Variants in CALY observed in about 807,000 individuals in gnomAD.
The protein encoded by CALY is calcyon neuron specific vesicular protein.
In CALY, 15 loss-of-function variants were observed where a neutral mutation model predicts 20.2. The ratio of observed to expected loss-of-function variants is 0.74; its 90% CI spans 0.50 to 1.14. CALY has a LOEUF of 1.14. Among genes scored for constraint, CALY ranks in the 50% most tolerant of loss-of-function variants. CALY has a pLI of 0.00. For missense variants in CALY, 270 were observed against 304.4 expected, an observed-to-expected ratio of 0.89 and a Z score of 0.84; for synonymous variants, 129 against 131.8, an observed-to-expected ratio of 0.98 and a Z score of 0.15.
At chr10:133,332,095 C>G (rs1848318817) in intron 1 of CALY, among the ~76,000 whole-genome samples, 1 of 150,826 alleles carries the variant, frequency 6.6e-6, no homozygotes, top group African/African-American at 2.4e-5. Flanking sequence ...CTACCACACT[C>G]CAGCCTGGGC....
intron 1 of CALY, among the ~76,000 whole-genome samples, chr10:133,329,641 G>C (rs1406668625): frequency 6.6e-6 from 1 of 151,726 alleles, no homozygotes; most frequent in Non-Finnish European, 1.5e-5. Flanking sequence ...TACAGTGCTG[G>C]AATTACAGGA....
intron 4 of CALY, chr10:133,326,430 G>A: frequency 3.3e-6 from 2 of 598,300 alleles, no homozygotes; most frequent in Middle Eastern, 5.5e-4. Context: ...GAGAAAAGGA[G>A]CAGATTTTAC....
intron 3 of CALY, chr10:133,327,307 G>A (rs1414952438): frequency 4.0e-6 from 2 of 500,686 alleles, no homozygotes; most frequent in South Asian, 2.6e-5. Flanking sequence ...GGCTCCCAGG[G>A]GATGGGGCCG....
intron 1 of CALY, 37 bp downstream of exon 1, chr10:133,336,797 C>G (rs1046155207): frequency 6.5e-6 from 1 of 152,850 alleles, no homozygotes; most frequent in Middle Eastern, 3.4e-3. Flanking sequence ...TTCGGGCCCC[C>G]CGCCCACATT....
chr10:133,326,183 C>A, intron 4 of CALY, 63 bp from the exon 5 acceptor site: 1 of 1,564,486 alleles, frequency 6.4e-7, no homozygotes. Flanking sequence ...CGGGCCCAGG[C>A]CCTCCCGCTT....
rs1848257392 is a variant in CALY at position 133,328,888 on chromosome 10, G to A, written c.102C>T (p.Asp34=). The A allele has an allele frequency of 1.3e-6, 2 of 1,548,148 alleles. No homozygotes were observed. Among genetic ancestry groups the A allele is most frequent in the Non-Finnish European group, 1.7e-6 (2 of 1,147,028 alleles). ...MDSVPLISPL[D]ISQLQPPLPD... is the part of the protein sequence containing the mutation. ...GGAGTGGCGGCTGGAGCTGGCTGAT[G>A]TCCAAGGGGCTGATCAGAGGCACAC... The change falls in exon 2 of 6, where the codon GAC becomes GAT. Residue 34 remains aspartate, a synonymous_variant. Coordinates refer to ENST00000252939, the MANE Select transcript of CALY (RefSeq NM_015722.4).
chr10:133,330,238 A>G (rs1848280391), intron 1 of CALY, among the ~76,000 whole-genome samples: 1 of 151,402 alleles, frequency 6.6e-6, no homozygotes, highest in Non-Finnish European at 1.5e-5. Flanking sequence ...CTGTGGTCCC[A>G]GCCACTCGGG....
chr10:133,324,462 G>A lies in CALY; in HGVS notation c.*1133C>T, dbSNP rs780334943. The A allele has an allele frequency of 8.9e-6, 4 of 451,098 alleles. No homozygotes were observed. Among genetic ancestry groups the A allele is most frequent in the Admixed American group, 4.7e-5 (2 of 42,186 alleles). 27.9% of individuals were successfully genotyped at this position (451,098 alleles called of 1,614,324 possible). A position where few individuals can be genotyped will look rare whatever the true frequency, so the allele number is the denominator to read the frequency against. Reference sequence around the variant, plus strand: ...GGGGCTTCCATCCACCAATGGTCGGGGGCTGGGGTGGGCGGGGCTGCAGAG... The same window carrying A: ...GGGGCTTCCATCCACCAATGGTCGGAGGCTGGGGTGGGCGGGGCTGCAGAG... On this transcript the variant is annotated 3_prime_UTR_variant, in exon 6 of 6. Coordinates refer to ENST00000252939, the MANE Select transcript of CALY (RefSeq NM_015722.4).
In CALY at chr10:133,324,464, G is replaced by A. The variant is rs1308800152; in HGVS notation, c.*1131C>T. The A allele has an allele frequency of 4.4e-6, 2 of 450,378 alleles. No individual in the cohort carries two copies. Among genetic ancestry groups the A allele is most frequent in the African/African-American group, 2.0e-5 (1 of 49,638 alleles). 27.9% of individuals were successfully genotyped at this position (450,378 alleles called of 1,614,324 possible). A position where few individuals can be genotyped will look rare whatever the true frequency, so the allele number is the denominator to read the frequency against. ...GGCTTCCATCCACCAATGGTCGGGG[G>A]CTGGGGTGGGCGGGGCTGCAGAGCC... On this transcript the variant is annotated 3_prime_UTR_variant, in exon 6 of 6. Transcript: ENST00000252939.
Position 133,326,860 on chromosome 10 carries a change from G to A in CALY, c.360+18C>T. On this transcript the variant is annotated intron_variant, in intron 4 of 5. Coordinates refer to ENST00000252939, the MANE Select transcript of CALY (RefSeq NM_015722.4). The stretch of plus-strand genomic sequence containing the variant: ...AGGGGCGGCTCTACACCCCCCACCA[G>A]AGCCCTGGCCCCCTTACCCGCAGCA... The A allele has an allele frequency of 1.3e-6, 2 of 1,566,336 alleles. No homozygotes were observed. The highest frequency in any genetic ancestry group is 2.3e-5 in the South Asian group (2 of 86,728).
At position 133,325,860 on chromosome 10, in the gene CALY, C is replaced by A; in HGVS notation, c.621G>T (p.Ala207=). The change falls in exon 5 of 6, where the codon GCG becomes GCT. Residue 207 remains alanine (A), a synonymous_variant. Coordinates refer to ENST00000252939, the MANE Select transcript of CALY (RefSeq NM_015722.4). ...AKAEKEAARK[A]AGSAAPPPAQ ...CGGGCGGGGGCGCCGCGCTCCCGGC[C>A]GCCTTCCGCGCCGCCTCCTTCTCCG... is the stretch of plus-strand genomic sequence containing the variant. The A allele has an allele frequency of 8.1e-7, 1 of 1,240,646 alleles. No individual in the cohort carries two copies. The highest frequency in any genetic ancestry group is 3.6e-5 in the South Asian group (1 of 27,694). The allele number at this position is 1,240,646 out of a possible 1,614,324, so 76.9% of individuals were successfully genotyped here.
intron 2 of CALY, 28 bp from the exon 3 acceptor site, chr10:133,328,043 G>T: frequency 7.0e-7 from 1 of 1,432,470 alleles, no homozygotes; most frequent in Non-Finnish European, 9.7e-7. Flanking sequence ...CATGGCCTCA[G>T]TAGGCAGCTG....
At chr10:133,332,558 AG>A (rs1439701593) in intron 1 of CALY, among the ~76,000 whole-genome samples, 1 of 152,214 alleles carries the variant, frequency 6.6e-6, no homozygotes, top group Non-Finnish European at 1.5e-5. Flanking sequence ...AAAAAATGGA[AG>A]CAGAAACCAA....
intron 1 of CALY, among the ~76,000 whole-genome samples, chr10:133,335,017 G>A (rs1241728309): frequency 6.6e-6 from 1 of 152,198 alleles, no homozygotes; most frequent in Admixed American, 6.5e-5. Context: ...GCCAGCGTCC[G>A]TGTGTGTGCA....
chr10:133,336,258 C>G (rs1848440627), intron 1 of CALY, among the ~76,000 whole-genome samples: 1 of 152,180 alleles, frequency 6.6e-6, no homozygotes, highest in South Asian at 2.1e-4. Context: ...GCCCAGCCAC[C>G]TGTGGCCCCG....
At chr10:133,335,809 CAGGGAG>C (rs764357654) in intron 1 of CALY, among the ~76,000 whole-genome samples, 3 of 152,170 alleles carry the variant, frequency 2.0e-5, no homozygotes, top group Non-Finnish European at 2.9e-5. Context: ...CGCGCTCTGG[CAGGGAG>C]GCAGTGCCCG....
intron 1 of CALY, 67 bp from the exon 2 acceptor site, chr10:133,329,076 G>T: frequency 7.4e-7 from 1 of 1,356,972 alleles, no homozygotes. Context: ...AGCTGGCTCT[G>T]AAGCCAGAGG....
At chr10:133,328,140 A>G (rs1373039175) in intron 2 of CALY, 125 bp from the exon 3 acceptor site, 1 of 666,744 alleles carries the variant, frequency 1.5e-6, no homozygotes, top group Non-Finnish European at 2.7e-6. Context: ...CCCATCTCCC[A>G]GGACTGTCTG....
intron 3 of CALY, chr10:133,327,380 G>GGGGTGGGTGTGGTTACCCTGCGCCCTT: frequency 2.0e-6 from 1 of 509,552 alleles, no homozygotes. Context: ...CACAGTGGGT[G>GGGGTGGGTGTGGTTACCCTGCGCCCTT]CATGTGTGGT....
Sources: gnomAD v4.1 joint callset for allele counts (sites outside exome capture counted in the v4.1 genomes callset) on GRCh38, gnomAD v4.1.1 for gene constraint, MANE v1.5 for transcripts, NCBI Gene and HGNC (gene_info 2026-07-23, HGNC 2026-07-21) for gene names.